Variants in TRRAP observed in about 807,000 individuals in gnomAD.
The protein encoded by TRRAP is transformation/transcription domain associated protein, also known as transformation/transcription domain-associated protein.
TRRAP carries 41 observed loss-of-function variants against 438.8 expected under a neutral mutation model. The ratio of observed to expected loss-of-function variants is 0.09; its 90% CI spans 0.07 to 0.12. The LOEUF (loss-of-function observed/expected upper bound fraction) is 0.12, where lower values mean the gene tolerates loss of function less well. TRRAP is among the 10% of genes least tolerant of loss of function. The pLI is 1.00. For missense variants in TRRAP, 3,122 were observed against 5,055.1 expected (o/e 0.62, Z 11.60); for synonymous variants, 1,994 against 1,962.9 (o/e 1.02, Z -0.42).
chr7:98,880,091 A>C (rs568850697), intron 1 of TRRAP, among the ~76,000 whole-genome samples: 1 of 151,934 alleles, frequency 6.6e-6, no homozygotes, highest in Non-Finnish European at 1.5e-5. Context: ...CTACAAACAG[A>C]ATTTATAGTT....
chr7:99,008,325 A>T lies in TRRAP; in HGVS notation c.10754-52A>T, dbSNP rs1794285072. ...TGGCACTCTGACGGTGGAGCTGAGC[A>T]CTGGCCCGCGGTCACCCTCAGCCTG... On this transcript the variant is annotated intron_variant, in intron 69 of 72. Coordinates refer to ENST00000456197, the MANE Select transcript of TRRAP (RefSeq NM_001375524.1). 6 of 1,566,826 alleles carry T rather than the reference A, an allele frequency of 3.8e-6. No homozygotes were observed. In the Admixed American group the frequency reaches 1.0e-4, roughly 27 times the overall value.
Position 98,967,217 on chromosome 7 carries a change from G to A in TRRAP, c.7298+55G>A, listed in dbSNP as rs183822001. Reference sequence around the variant, plus strand: ...TATATTGGTCCTTAATGTGCTCCCCGGCCAGCCAGCCATGCAGCCATGATT... The same window carrying A: ...TATATTGGTCCTTAATGTGCTCCCCAGCCAGCCAGCCATGCAGCCATGATT... On this transcript the variant is annotated intron_variant, in intron 50 of 72. Transcript: ENST00000456197. The A allele has an allele frequency of 3.1e-4, 480 of 1,568,004 alleles. 4 individuals are homozygous for A. The South Asian group carries it at 3.3e-3, about 11-fold the overall frequency.
intron 19 of TRRAP, among the ~76,000 whole-genome samples, chr7:98,916,249 A>G (rs1398420717): frequency 6.6e-6 from 1 of 152,248 alleles, no homozygotes. Context: ...AAAGAGAATC[A>G]GAACAAAAAA....
Position 98,941,023 on chromosome 7 carries a change from T to A in TRRAP, c.4405-1926T>A, listed in dbSNP as rs533661754. ...CCTTTCTTTAAGAGTTTTAGAGTTTTAGCTCTTACATTTAGGTCTTTGGCC... is the reference window on the plus strand; with the variant it reads ...CCTTTCTTTAAGAGTTTTAGAGTTTAAGCTCTTACATTTAGGTCTTTGGCC... On this transcript the variant is annotated intron_variant, in intron 30 of 72. Coordinates refer to ENST00000456197, the MANE Select transcript of TRRAP (RefSeq NM_001375524.1). Among the ~76,000 whole-genome samples, 436 of 152,340 alleles carry A rather than the reference T, an allele frequency of 2.9e-3. 7 individuals are homozygous for A. The highest frequency in any genetic ancestry group is 4.2e-3 in the Non-Finnish European group (288 of 68,030).
At chr7:98,981,207 G>A (rs995598363) in intron 58 of TRRAP, among the ~76,000 whole-genome samples, 3 of 152,040 alleles carry the variant, frequency 2.0e-5, no homozygotes, top group African/African-American at 7.2e-5. Flanking sequence ...TTCAAGACCA[G>A]CCTGACCAAC....
In TRRAP at chr7:98,899,765, G is replaced by C. The variant is rs372695070; in HGVS notation, c.798G>C (p.Ala266=). The change falls in exon 10 of 73, where the codon GCG becomes GCC. Residue 266 remains alanine, a splice_region_variant and synonymous_variant. Coordinates refer to ENST00000456197, the MANE Select transcript of TRRAP (RefSeq NM_001375524.1). ...NTIAIQVSAQ[A]RQHKLYNKEL... ...TTGCCATTCAGGTGTCTGCACAAGCGAGGTGAGGCGTCACTGTAGCCGGCT... is the reference window on the plus strand; with the variant it reads ...TTGCCATTCAGGTGTCTGCACAAGCCAGGTGAGGCGTCACTGTAGCCGGCT... 3.1e-6 allele frequency: 5 copies of C among 1,614,032 alleles called. No individual in the cohort carries two copies. The African/African-American group carries it at 4.0e-5, about 13-fold the overall frequency.
At chr7:98,925,537 A>C (rs578162030) in intron 22 of TRRAP, among the ~76,000 whole-genome samples, 2 of 152,206 alleles carry the variant, frequency 1.3e-5, no homozygotes, top group Non-Finnish European at 2.9e-5. Context: ...ATCAAGGGTC[A>C]TGTCCCTTCT....
chr7:98,887,280 T>C (rs1554404110), intron 3 of TRRAP, among the ~76,000 whole-genome samples: 1 of 152,230 alleles, frequency 6.6e-6, no homozygotes, highest in Non-Finnish European at 1.5e-5. Context: ...GTAGTTAATA[T>C]GGACTTACAT....
chr7:98,994,904 C>T lies in TRRAP; in HGVS notation c.10309+56C>T. On this transcript the variant is annotated intron_variant, in intron 67 of 72. Transcript: ENST00000456197. The surrounding 1 kb of genome is among the most constrained non-coding windows in gnomAD (Gnocchi z 4.8). ...GGAGAATTGTGCACGCTGATTTCCTCCGGCTTTAGTGTTGAAGCTGATTGG... is the reference window on the plus strand; with the variant it reads ...GGAGAATTGTGCACGCTGATTTCCTTCGGCTTTAGTGTTGAAGCTGATTGG... 6.3e-7 allele frequency: 1 copy of T among 1,588,626 alleles called. No homozygotes were observed. Among genetic ancestry groups the T allele is most frequent in the Non-Finnish European group, 8.6e-7 (1 of 1,166,000 alleles).
chr7:98,918,191 G>C (rs965041706), intron 20 of TRRAP, among the ~76,000 whole-genome samples: 56 of 147,298 alleles, frequency 3.8e-4, no homozygotes, highest in Admixed American at 8.1e-4. Flanking sequence ...TTGCAGCCTT[G>C]CCTGTTTTTC....
At chr7:98,945,397 T>TAAA (rs1791002794) in intron 31 of TRRAP, among the ~76,000 whole-genome samples, 1 of 152,168 alleles carries the variant, frequency 6.6e-6, no homozygotes, top group Non-Finnish European at 1.5e-5. Context: ...TCTTAGCCCT[T>TAAA]CATATAAAAT....
rs782162262 is a variant in TRRAP, at chr7:98,895,767, C to A, written c.454C>A (p.His152Asn). ...QFRPPITQEI[H>N]HFLDFVKQIY... Reference sequence around the variant, plus strand: ...CGAAAGTGTCTGCTTTTTTTAGATTCATCATTTTCTGGATTTTGTGAAACA... The same window carrying A: ...CGAAAGTGTCTGCTTTTTTTAGATTAATCATTTTCTGGATTTTGTGAAACA... The change falls in exon 7 of 73, where the codon CAT becomes AAT. Residue 152 changes from histidine (H) to asparagine (N), a missense_variant. Around this residue, in one of 24 missense-constraint regions of TRRAP, gnomAD observed 343 missense variants for 564.0 expected, o/e 0.61. Coordinates refer to ENST00000456197, the MANE Select transcript of TRRAP (RefSeq NM_001375524.1). The A allele has an allele frequency of 6.3e-5, 101 of 1,600,396 alleles. No individual in the cohort carries two copies. Among genetic ancestry groups the A allele is most frequent in the Non-Finnish European group, 7.5e-5 (88 of 1,174,178 alleles).
Position 98,976,611 on chromosome 7 carries a change from A to G in TRRAP, c.8088A>G (p.Arg2696=). 1.2e-6 allele frequency: 2 copies of G among 1,613,806 alleles called. 1 individual carries two copies. Among genetic ancestry groups the G allele is most frequent in the South Asian group, 2.2e-5 (2 of 91,060 alleles). Residue 2696 remains arginine (R), a synonymous_variant, in exon 55 of 73, where the codon CGA becomes CGG. Transcript: ENST00000456197. This position sits in a 1 kb window ranked among gnomAD's most constrained non-coding sequence, Gnocchi z 4.6. ...MSQCVPPIPI[R]PCVLKYLGKT... ...AGTGCGTGCCGCCAATCCCCATCCG[A>G]CCCTGCGTCCTGAAGTACCTGGGGA...
chr7:98,929,060 T>A (rs1554412210), intron 23 of TRRAP, among the ~76,000 whole-genome samples: 1 of 151,736 alleles, frequency 6.6e-6, no homozygotes, highest in Non-Finnish European at 1.5e-5. Context: ...CCCTCACCCC[T>A]CCTGAGTAGC....
intron 7 of TRRAP, 64 bp from the exon 8 acceptor site, chr7:98,897,677 T>TTC: frequency 7.1e-7 from 1 of 1,415,028 alleles, no homozygotes; most frequent in East Asian, 2.5e-5. Flanking sequence ...TTTTGTTTTG[T>TTC]TTTGTTTTTG....
chr7:98,942,040 T>C (rs1469284933), intron 30 of TRRAP, among the ~76,000 whole-genome samples: 11 of 152,208 alleles, frequency 7.2e-5, no homozygotes, highest in African/African-American at 1.9e-4. Context: ...GTAATAAATA[T>C]GCAACTGTTA....
rs782365110 is a variant in TRRAP, at chr7:98,956,229, C to T, written c.6021C>T (p.Ile2007=). Residue 2007 remains isoleucine, a synonymous_variant, in exon 42 of 73, where the codon ATC becomes ATT. Transcript: ENST00000456197. This position sits in a 1 kb window ranked among gnomAD's most constrained non-coding sequence, Gnocchi z 4.5. The part of the protein sequence containing the change: ...QRLGFTPSVT[I]EQRRLAVDLS... ...TGGGCTTCACGCCCAGTGTCACCATCGAGCAGAGGCGGCTGGCCGTGGACC... is the reference window on the plus strand; with the variant it reads ...TGGGCTTCACGCCCAGTGTCACCATTGAGCAGAGGCGGCTGGCCGTGGACC... 6.2e-6 allele frequency: 10 copies of T among 1,614,006 alleles called. No individual in the cohort carries two copies. The highest frequency in any genetic ancestry group is 7.6e-6 in the Non-Finnish European group (9 of 1,180,036).
In TRRAP at chr7:99,001,976, A is replaced by G. The variant is rs143286926; in HGVS notation, c.10310-2214A>G. Among the ~76,000 whole-genome samples the G allele has an allele frequency of 1.7e-3, 262 of 152,344 alleles. 2 individuals are homozygous for G. Among genetic ancestry groups the G allele is most frequent in the African/African-American group, 6.0e-3 (251 of 41,568 alleles). On this transcript the variant is annotated intron_variant, in intron 67 of 72. Coordinates refer to ENST00000456197, the MANE Select transcript of TRRAP (RefSeq NM_001375524.1). ...AATGAGGAGTTAATTATTGATACAC[A>G]GTAACGTGGGTGAACCTCCAGGAAA...
At chr7:98,909,411 C>A (rs1256620253) in intron 14 of TRRAP, among the ~76,000 whole-genome samples, 1 of 152,204 alleles carries the variant, frequency 6.6e-6, no homozygotes, top group African/African-American at 2.4e-5. Context: ...CAGACCCAGG[C>A]TCCCCAGATG....
Sources: allele counts gnomAD v4.1 joint callset (sites outside exome capture counted in the v4.1 genomes callset), GRCh38; gene constraint gnomAD v4.1.1; regional missense constraint gnomAD v4.1.1; non-coding constraint Gnocchi (gnomAD v3.1); transcripts MANE v1.5; gene names NCBI Gene and HGNC (gene_info 2026-07-23, HGNC 2026-07-21).